OTUD7B: variants seen among roughly 807,000 people sequenced by gnomAD.
The protein encoded by OTUD7B is OTU deubiquitinase 7B.
Under a neutral mutation model 82.2 loss-of-function variants are expected in OTUD7B, and 34 were observed. The observed-to-expected ratio is 0.41, with a 90% CI of 0.31 to 0.55. OTUD7B has a LOEUF of 0.55. OTUD7B is among the 20% of genes least tolerant of loss of function. The pLI, the probability that OTUD7B is intolerant of heterozygous loss-of-function variation, is 0.20. For synonymous variants in OTUD7B, 398 were observed against 402.7 expected (o/e 0.99, Z 0.14); for missense variants, 944 against 1,062.1 (o/e 0.89, Z 1.55).
chr1:150,063,004 A>G, the OTUD7B span, among the ~76,000 whole-genome samples: 1 of 150,620 alleles, frequency 6.6e-6, no homozygotes, highest in Non-Finnish European at 1.5e-5. Context: ...GTGACCCACC[A>G]AGGCTGGCCC....
upstream of OTUD7B, among the ~76,000 whole-genome samples, chr1:150,013,494 C>T (rs1016908514): frequency 6.6e-6 from 1 of 152,072 alleles, no homozygotes; most frequent in Admixed American, 6.6e-5. Context: ...TCCTTTCCAC[C>T]GCCACCAATA....
chr1:150,016,446 C>CTTTTCTTTTTTTTTTTTT, the OTUD7B span, among the ~76,000 whole-genome samples: 2 of 130,062 alleles, frequency 1.5e-5, 1 homozygote. Context: ...TTTCTCTTTT[C>CTTTTCTTTTTTTTTTTTT]TTTTTCTTTT....
chr1:150,051,487 TTTA>T, the OTUD7B span, among the ~76,000 whole-genome samples: 9 of 151,946 alleles, frequency 5.9e-5, no homozygotes, highest in East Asian at 1.9e-4. Flanking sequence ...TGACATGTTA[TTTA>T]TTATTATTAT....
chr1:150,045,427 CA>C, the OTUD7B span, among the ~76,000 whole-genome samples: 1 of 151,910 alleles, frequency 6.6e-6, no homozygotes, highest in Non-Finnish European at 1.5e-5. Context: ...GGGATTGACC[CA>C]GGGCCTCATG....
rs782547858 is a variant in OTUD7B, at chr1:149,944,290, C to T, written c.2099G>A (p.Arg700Gln). Residue 700 changes from arginine to glutamine, a missense_variant, in exon 12 of 12, where the codon CGG becomes CAG. Physicochemically the swap from Arg to Gln is conservative, Grantham distance 43. This residue lies in a region of OTUD7B where 412 missense variants were observed against 418.7 expected (regional missense o/e 0.98). Transcript: ENST00000581312. ...GCAGTGGACTCCGCCCCCAGACGGC[C>T]GAGGGATAGTAAAGTCCCCAGGGTA... is the stretch of plus-strand genomic sequence containing the variant. ...TGYPGDFTIP[R>Q]PSGGGVHCQE... The T allele has an allele frequency of 2.1e-5, 34 of 1,610,336 alleles. No homozygotes were observed. The highest frequency in any genetic ancestry group is 3.3e-5 in the Admixed American group (2 of 59,818).
the OTUD7B span, among the ~76,000 whole-genome samples, chr1:150,047,370 C>G: frequency 3.4e-4 from 52 of 152,308 alleles, no homozygotes; most frequent in African/African-American, 1.2e-3. Flanking sequence ...AACACTCCCC[C>G]CAACCTCCTT....
At chr1:150,025,276 A>G in the OTUD7B span, among the ~76,000 whole-genome samples, 1 of 150,310 alleles carries the variant, frequency 6.7e-6, no homozygotes, top group Non-Finnish European at 1.5e-5. Flanking sequence ...ACAACTGGGC[A>G]TGGTGGCACA....
chr1:149,990,991 C>A (rs1339903152), intron 1 of OTUD7B, among the ~76,000 whole-genome samples: 24 of 146,662 alleles, frequency 1.6e-4, no homozygotes, highest in Admixed American at 2.7e-4. Context: ...AACTCCGTCG[C>A]AAAAAAAAAA....
intron 1 of OTUD7B, among the ~76,000 whole-genome samples, chr1:149,987,583 CT>C (rs1461472410): frequency 6.6e-6 from 1 of 152,166 alleles, no homozygotes; most frequent in Non-Finnish European, 1.5e-5. Flanking sequence ...TGTCAGTTGC[CT>C]TCTTTCTGCC....
chr1:149,983,325 G>C (rs1256330392), intron 1 of OTUD7B, among the ~76,000 whole-genome samples: 1 of 151,826 alleles, frequency 6.6e-6, no homozygotes, highest in Non-Finnish European at 1.5e-5. Context: ...CTTCCAGCAT[G>C]GAGGAAAAAA....
intron 7 of OTUD7B, among the ~76,000 whole-genome samples, chr1:149,956,868 A>G (rs1436610163): frequency 6.6e-6 from 1 of 152,166 alleles, no homozygotes; most frequent in Non-Finnish European, 1.5e-5. Context: ...TTCTTATGCC[A>G]TGGTTTTCAG....
chr1:149,986,338 CAT>C (rs1319305951), intron 1 of OTUD7B, among the ~76,000 whole-genome samples: 3 of 152,042 alleles, frequency 2.0e-5, no homozygotes, highest in African/African-American at 7.2e-5. Flanking sequence ...ATCTCAAAGA[CAT>C]ATGTTTAAGA....
intron 3 of OTUD7B, among the ~76,000 whole-genome samples, chr1:149,970,264 G>A (rs979581119): frequency 6.7e-6 from 1 of 150,356 alleles, no homozygotes; most frequent in Non-Finnish European, 1.5e-5. Flanking sequence ...TAATGCTGCT[G>A]TGAATATCCT....
chr1:149,992,467 G>GTTTTTTTTTTTTTT (rs1166098299), intron 1 of OTUD7B, among the ~76,000 whole-genome samples: 1 of 61,560 alleles, frequency 1.6e-5, no homozygotes, highest in Non-Finnish European at 2.8e-5. Context: ...GTGTGCATGT[G>GTTTTTTTTTTTTTT]TTTTTTTTTT....
intron 1 of OTUD7B, among the ~76,000 whole-genome samples, chr1:149,981,028 A>C: frequency 6.7e-6 from 1 of 149,446 alleles, no homozygotes. Flanking sequence ...AAAAAAAAAA[A>C]AAAAAAAAAA....
chr1:150,014,849 G>A (rs1553788167), upstream of OTUD7B, among the ~76,000 whole-genome samples: 1 of 152,020 alleles, frequency 6.6e-6, no homozygotes, highest in African/African-American at 2.4e-5. Context: ...TCTGTGTCTT[G>A]ATAAGGATGG....
chr1:149,985,645 G>A (rs1651082715), intron 1 of OTUD7B, among the ~76,000 whole-genome samples: 1 of 151,990 alleles, frequency 6.6e-6, no homozygotes, highest in Non-Finnish European at 1.5e-5. Context: ...CTACTCAGGA[G>A]GCTGAGGTGG....
At chr1:150,033,670 CACA>C in the OTUD7B span, among the ~76,000 whole-genome samples, 3 of 152,110 alleles carry the variant, frequency 2.0e-5, no homozygotes, top group Non-Finnish European at 4.4e-5. Flanking sequence ...CATTCATCCT[CACA>C]ACAATACATA....
the OTUD7B span, chr1:150,047,707 A>C: frequency 6.6e-6 from 1 of 152,310 alleles, no homozygotes; most frequent in East Asian, 1.9e-4. Context: ...TAATCCCAGC[A>C]CTTTGGGAAG....
Sources: allele counts gnomAD v4.1 joint callset (sites outside exome capture counted in the v4.1 genomes callset), GRCh38; gene constraint gnomAD v4.1.1; regional missense constraint gnomAD v4.1.1; transcripts MANE v1.5; gene names NCBI Gene and HGNC (gene_info 2026-07-23, HGNC 2026-07-21).